The following SOX5 variants were observed in gnomAD, a reference collection of about 807,000 sequenced individuals.
SOX5 encodes the protein SRY-box transcription factor 5.
A neutral mutation model predicts 92.0 loss-of-function variants in SOX5; 9 were observed. That is an observed-to-expected ratio of 0.10 (90% CI 0.06 to 0.17). SOX5 has a LOEUF of 0.17. Among genes scored for constraint, SOX5 ranks in the 10% least tolerant of loss-of-function variants. The pLI, the probability that SOX5 is intolerant of heterozygous loss-of-function variation, is 1.00. For missense variants in SOX5, 642 were observed against 944.5 expected, an observed-to-expected ratio of 0.68 and a Z score of 4.20; for synonymous variants, 344 against 336.3, an observed-to-expected ratio of 1.02 and a Z score of -0.25.
intron 4 of SOX5, among the ~76,000 whole-genome samples, chr12:24,078,949 T>C (rs1942991455): frequency 6.6e-6 from 1 of 152,004 alleles, no homozygotes; most frequent in Non-Finnish European, 1.5e-5. Flanking sequence ...TGACTTAGTG[T>C]CTTTCATCAA....
At chr12:24,328,849 A>G (rs1595631102) in intron 2 of SOX5, among the ~76,000 whole-genome samples, 1 of 152,226 alleles carries the variant, frequency 6.6e-6, no homozygotes, top group East Asian at 1.9e-4. Flanking sequence ...CATTTGGTCT[A>G]AAACCTTAAA....
chr12:23,933,498 C>T (rs765529863), intron 1 of SOX5, among the ~76,000 whole-genome samples: 2 of 151,514 alleles, frequency 1.3e-5, no homozygotes, highest in Non-Finnish European at 3.0e-5. Flanking sequence ...TCTAAATGTG[C>T]AAATAAATCA....
At chr12:24,402,192 A>G (rs917837407) in intron 1 of SOX5, among the ~76,000 whole-genome samples, 1 of 152,236 alleles carries the variant, frequency 6.6e-6, no homozygotes, top group African/African-American at 2.4e-5. Context: ...CCATTTCTAC[A>G]TTAACTGCAG....
intron 9 of SOX5, among the ~76,000 whole-genome samples, chr12:23,602,434 C>A (rs1592467523): frequency 6.6e-6 from 1 of 152,100 alleles, no homozygotes; most frequent in East Asian, 1.9e-4. Context: ...AGTGAATGGA[C>A]AAATTAGTAG....
At chr12:24,385,679 G>A (rs1006869927) in intron 1 of SOX5, among the ~76,000 whole-genome samples, 3 of 151,964 alleles carry the variant, frequency 2.0e-5, no homozygotes, top group Non-Finnish European at 4.4e-5. Flanking sequence ...TATGGCAGCC[G>A]GGCATGGTGG....
intron 9 of SOX5, among the ~76,000 whole-genome samples, chr12:23,578,144 A>AAAAG (rs1949511430): frequency 3.7e-5 from 5 of 134,908 alleles, no homozygotes; most frequent in Non-Finnish European, 6.5e-5. Context: ...AAAAAAAAAA[A>AAAAG]AAAAAACTAT....
intron 3 of SOX5, among the ~76,000 whole-genome samples, chr12:23,828,290 T>C (rs1469955225): frequency 1.3e-5 from 2 of 152,216 alleles, no homozygotes; most frequent in Admixed American, 1.3e-4. Flanking sequence ...TCTCAGAATG[T>C]ATTCACATTG....
intron 13 of SOX5, among the ~76,000 whole-genome samples, chr12:23,540,652 C>T (rs780777082): frequency 2.6e-5 from 4 of 151,992 alleles, no homozygotes; most frequent in Non-Finnish European, 5.9e-5. Flanking sequence ...AAAAGATGTC[C>T]CTCTTCCCCT....
chr12:24,156,595 C>T (rs1952196710), intron 4 of SOX5, among the ~76,000 whole-genome samples: 1 of 152,012 alleles, frequency 6.6e-6, no homozygotes, highest in Admixed American at 6.6e-5. Context: ...ACAGCTGTAC[C>T]CAGCATAATT....
intron 4 of SOX5, among the ~76,000 whole-genome samples, chr12:24,112,517 G>T (rs917450372): frequency 7.2e-5 from 9 of 125,084 alleles, no homozygotes; most frequent in Admixed American, 5.2e-4. Flanking sequence ...CAACTTCAAG[G>T]TTCCTTTTTT....
intron 4 of SOX5, among the ~76,000 whole-genome samples, chr12:24,165,260 T>C (rs994933307): frequency 6.6e-5 from 10 of 152,134 alleles, no homozygotes; most frequent in African/African-American, 1.7e-4. Context: ...GTGCCTAGTA[T>C]GTATAAAGCA....
At chr12:23,923,896 C>A (rs1252603955) in intron 1 of SOX5, among the ~76,000 whole-genome samples, 1 of 152,188 alleles carries the variant, frequency 6.6e-6, no homozygotes, top group Non-Finnish European at 1.5e-5. Context: ...ATATAACCTT[C>A]TTTAATCTTC....
chr12:24,224,616 G>A (rs565205076), intron 3 of SOX5, among the ~76,000 whole-genome samples: 1 of 151,970 alleles, frequency 6.6e-6, no homozygotes, highest in South Asian at 2.1e-4. Flanking sequence ...TACAGTTGGT[G>A]AATTTCACTT....
chr12:24,466,224 CCTTCTTT>C (rs1944218274), intron 1 of SOX5, among the ~76,000 whole-genome samples: 2 of 151,858 alleles, frequency 1.3e-5, no homozygotes, highest in African/African-American at 2.4e-5. Flanking sequence ...CTTCCTTCTT[CCTTCTTT>C]CTTCTTCTTT....
intron 1 of SOX5, among the ~76,000 whole-genome samples, chr12:24,440,713 C>T (rs1940401237): frequency 6.6e-6 from 1 of 151,910 alleles, no homozygotes; most frequent in Non-Finnish European, 1.5e-5. Context: ...CTTCATCAGT[C>T]TTACTAAAGT....
At position 23,888,509 on chromosome 12, in the gene SOX5, T is replaced by C. The variant is rs371410116; in HGVS notation, c.270+7284A>G. Among the ~76,000 whole-genome samples, 36 of 152,342 alleles carry C rather than the reference T, an allele frequency of 2.4e-4. No individual in the cohort carries two copies. The East Asian group carries it at 4.0e-3, about 17-fold the overall frequency. On this transcript the variant is annotated intron_variant, in intron 2 of 14. Transcript: ENST00000451604. ...TACTTCAAATACTGTGGACATCATA[T>C]GAATGAATCAAAGTTTTCTCAGTTT...
chr12:24,442,437 T>A (rs900253714), intron 1 of SOX5, among the ~76,000 whole-genome samples: 9 of 152,162 alleles, frequency 5.9e-5, no homozygotes, highest in African/African-American at 1.7e-4. Context: ...TAAATGAATA[T>A]ATTGTATATT....
intron 2 of SOX5, among the ~76,000 whole-genome samples, chr12:24,353,203 T>C (rs771317834): frequency 2.0e-5 from 3 of 152,194 alleles, no homozygotes; most frequent in African/African-American, 4.8e-5. Context: ...GCTGTGTCAA[T>C]GTGCTGTGTC....
At chr12:24,350,059 A>C (rs2141155418) in intron 2 of SOX5, among the ~76,000 whole-genome samples, 1 of 152,382 alleles carries the variant, frequency 6.6e-6, no homozygotes, top group South Asian at 2.1e-4. Context: ...TTGAGAAACC[A>C]ATCTAAAAGA....
Sources: allele counts gnomAD v4.1 joint callset (sites outside exome capture counted in the v4.1 genomes callset), GRCh38; gene constraint gnomAD v4.1.1; transcripts MANE v1.5; gene names NCBI Gene and HGNC (gene_info 2026-07-23, HGNC 2026-07-21).